Variants in CNNM4 observed in about 807,000 individuals in gnomAD.
CNNM4 encodes the protein cyclin and CBS domain divalent metal cation transport mediator 4.
In CNNM4, 32 loss-of-function variants were observed where a neutral mutation model predicts 53.7. That is an observed-to-expected ratio of 0.60 (90% CI 0.45 to 0.80). CNNM4 has a LOEUF of 0.80. Among genes scored for constraint, CNNM4 ranks in the 30% least tolerant of loss-of-function variants. CNNM4 has a pLI of 0.00. For missense variants in CNNM4, 784 were observed against 1,022.0 expected, an observed-to-expected ratio of 0.77 and a Z score of 3.17; for synonymous variants, 410 against 440.0, an observed-to-expected ratio of 0.93 and a Z score of 0.85.
chr2:96,792,323 C>T (rs2079069182), intron 1 of CNNM4, among the ~76,000 whole-genome samples: 1 of 151,412 alleles, frequency 6.6e-6, no homozygotes, highest in East Asian at 1.9e-4. Flanking sequence ...TAAATATAAG[C>T]CCTAAATTGA....
intron 1 of CNNM4, among the ~76,000 whole-genome samples, chr2:96,765,549 A>C (rs956335808): frequency 3.9e-5 from 6 of 152,118 alleles, no homozygotes; most frequent in African/African-American, 1.4e-4. Context: ...TCCTGAGCCT[A>C]GCTTTGCCAG....
At chr2:96,762,737 GA>G (rs1247417036) in intron 1 of CNNM4, among the ~76,000 whole-genome samples, 1 of 152,156 alleles carries the variant, frequency 6.6e-6, no homozygotes, top group African/African-American at 2.4e-5. Flanking sequence ...TGGAGATTTA[GA>G]GTATGGGGTG....
rs751527180 is a variant in CNNM4, at chr2:96,762,454, C to T, written c.1402+53C>T. On this transcript the variant is annotated intron_variant, in intron 1 of 6. Transcript: ENST00000377075. Reference sequence around the variant, plus strand: ...CAATTTCCTCTTGACGCCTCTTTTCCCCTGGCGTGTTTTGTGTCTGCTGGC... The same window carrying T: ...CAATTTCCTCTTGACGCCTCTTTTCTCCTGGCGTGTTTTGTGTCTGCTGGC... 45 of 1,526,798 alleles carry T rather than the reference C, an allele frequency of 2.9e-5. No individual in the cohort carries two copies. The Middle Eastern group carries it at 5.1e-4, about 17-fold the overall frequency. 94.6% of individuals were successfully genotyped at this position (1,526,798 alleles called of 1,614,324 possible). A position where few individuals can be genotyped will look rare whatever the true frequency, so the allele number is the denominator to read the frequency against.
chr2:96,806,081 ACC>A (rs1393750966), intron 5 of CNNM4, among the ~76,000 whole-genome samples: 2 of 127,706 alleles, frequency 1.6e-5, no homozygotes, highest in African/African-American at 6.3e-5. Flanking sequence ...AGGGGGGCTG[ACC>A]CCCCCCAACC....
chr2:96,786,144 C>T (rs2079014557), intron 1 of CNNM4, among the ~76,000 whole-genome samples: 1 of 151,588 alleles, frequency 6.6e-6, no homozygotes, highest in African/African-American at 2.4e-5. Context: ...AGGCCTGGCG[C>T]GGCAGCTCAC....
chr2:96,794,232 G>T (rs2079084679), intron 1 of CNNM4, among the ~76,000 whole-genome samples: 1 of 152,062 alleles, frequency 6.6e-6, no homozygotes, highest in Non-Finnish European at 1.5e-5. Flanking sequence ...GTTTCCCTTT[G>T]TTCTCCTTAA....
chr2:96,804,295 T>C (rs1256357121), intron 5 of CNNM4, among the ~76,000 whole-genome samples: 1 of 150,480 alleles, frequency 6.6e-6, no homozygotes, highest in African/African-American at 2.5e-5. Flanking sequence ...AGTGGTGCGA[T>C]CTTGGCTCCC....
At chr2:96,772,665 GCACA>G (rs775259140) in intron 1 of CNNM4, among the ~76,000 whole-genome samples, 5 of 40,450 alleles carry the variant, frequency 1.2e-4, no homozygotes, top group Admixed American at 6.5e-4. Flanking sequence ...ACACATGCGT[GCACA>G]CACACACACA....
intron 1 of CNNM4, among the ~76,000 whole-genome samples, chr2:96,772,497 C>T (rs1236912098): frequency 6.9e-6 from 1 of 144,646 alleles, no homozygotes; most frequent in East Asian, 2.1e-4. Flanking sequence ...CACGCACACA[C>T]ACACTCATAC....
chr2:96,774,364 T>C (rs1293111081), intron 1 of CNNM4, among the ~76,000 whole-genome samples: 2 of 152,098 alleles, frequency 1.3e-5, no homozygotes, highest in African/African-American at 2.4e-5. Context: ...ACATGAGCTA[T>C]GATTGCACCA....
intron 1 of CNNM4, among the ~76,000 whole-genome samples, chr2:96,794,165 C>T (rs1445582346): frequency 3.3e-5 from 5 of 152,108 alleles, no homozygotes; most frequent in Non-Finnish European, 5.9e-5. Flanking sequence ...CCCTGGGGCT[C>T]GATCTGTGGC....
chr2:96,784,964 G>C (rs2079003729), intron 1 of CNNM4, among the ~76,000 whole-genome samples: 1 of 152,200 alleles, frequency 6.6e-6, no homozygotes, highest in Non-Finnish European at 1.5e-5. Flanking sequence ...TGCAACCTCT[G>C]CCTCCCGGGT....
rs534007068 is a variant in CNNM4, at chr2:96,811,231, G to A, written c.*1714G>A. Reference sequence around the variant, plus strand: ...TGGTGACACCCATGGGTTCTCAACTGTAAGGAAAAAAGACACCAGACTTTT... The same window carrying A: ...TGGTGACACCCATGGGTTCTCAACTATAAGGAAAAAAGACACCAGACTTTT... On this transcript the variant is annotated 3_prime_UTR_variant, in exon 7 of 7. Coordinates refer to ENST00000377075, the MANE Select transcript of CNNM4 (RefSeq NM_020184.4). The A allele has an allele frequency of 6.6e-6, 1 of 152,322 alleles. No individual in the cohort carries two copies. The highest frequency in any genetic ancestry group is 2.4e-5 in the African/African-American group (1 of 41,562). 9.4% of individuals were successfully genotyped at this position (152,322 alleles called of 1,614,324 possible).
Position 96,791,716 on chromosome 2 carries a change from G to A in CNNM4, c.1403-5296G>A, listed in dbSNP as rs1574073834. Among the ~76,000 whole-genome samples the A allele has an allele frequency of 3.3e-5, 5 of 152,068 alleles. No individual in the cohort carries two copies. In the South Asian group the frequency reaches 1.0e-3, roughly 31 times the overall value. On this transcript the variant is annotated intron_variant, in intron 1 of 6. Transcript: ENST00000377075. ...GAAATATAGCAAAATGTTAGTATTT[G>A]CTTGAGCCATATAAAATTGCTGATA...
rs2078760052 is a variant in CNNM4 at position 96,761,388 on chromosome 2, G to C, written c.389G>C (p.Gly130Ala). The C allele has an allele frequency of 1.9e-6, 3 of 1,613,948 alleles. No homozygotes were observed. The highest frequency in any genetic ancestry group is 2.5e-6 in the Non-Finnish European group (3 of 1,180,028). The change falls in exon 1 of 7, where the codon GGC becomes GCC. Residue 130 changes from glycine to alanine, a missense_variant. This residue lies in a region of CNNM4 where 473 missense variants were observed against 624.6 expected (regional missense o/e 0.76). Coordinates refer to ENST00000377075, the MANE Select transcript of CNNM4 (RefSeq NM_020184.4). This position sits in a 1 kb window ranked among gnomAD's most constrained non-coding sequence, Gnocchi z 6.0. ...AACGTGAGCCGCGGGAACACGTCCGGCGTGCTGGTGGTGCTCACCAAGTTC... is the reference window on the plus strand; with the variant it reads ...AACGTGAGCCGCGGGAACACGTCCGCCGTGCTGGTGGTGCTCACCAAGTTC... ...LVNVSRGNTS[G>A]VLVVLTKFLR... is the part of the protein sequence containing the mutation.
chr2:96,781,977 T>G (rs1182761901), intron 1 of CNNM4, among the ~76,000 whole-genome samples: 1 of 152,238 alleles, frequency 6.6e-6, no homozygotes, highest in Non-Finnish European at 1.5e-5. Flanking sequence ...CCAAATGCTC[T>G]TTTTGTATCT....
rs763517801 is a variant in CNNM4, at chr2:96,768,565, G to A, written c.1402+6164G>A. ...TCAGGGCCCGGAAGTAGTTGTGAAA[G>A]TCTGAGGTTTCTAGCTTGGGATTCA... On this transcript the variant is annotated intron_variant, in intron 1 of 6. Coordinates refer to ENST00000377075, the MANE Select transcript of CNNM4 (RefSeq NM_020184.4). Among the ~76,000 whole-genome samples the A allele has an allele frequency of 3.9e-5, 6 of 152,158 alleles. No individual in the cohort carries two copies. In the East Asian group the frequency reaches 7.7e-4, roughly 20 times the overall value.
At chr2:96,767,275 G>A (rs2078827170) in intron 1 of CNNM4, among the ~76,000 whole-genome samples, 1 of 152,200 alleles carries the variant, frequency 6.6e-6, no homozygotes, top group African/African-American at 2.4e-5. Context: ...CAGGACCACA[G>A]GAGTAAGATC....
intron 1 of CNNM4, among the ~76,000 whole-genome samples, chr2:96,769,941 C>A (rs550453099): frequency 2.8e-4 from 42 of 152,360 alleles, no homozygotes; most frequent in African/African-American, 9.9e-4. Context: ...GAGGTCCCAG[C>A]AGGGACAGCT....
Sources: allele counts gnomAD v4.1 joint callset (sites outside exome capture counted in the v4.1 genomes callset), GRCh38; gene constraint gnomAD v4.1.1; regional missense constraint gnomAD v4.1.1; non-coding constraint Gnocchi (gnomAD v3.1); transcripts MANE v1.5; gene names NCBI Gene and HGNC (gene_info 2026-07-23, HGNC 2026-07-21).